Variants in WWOX observed in about 807,000 individuals in gnomAD.
WWOX encodes WW domain-containing oxidoreductase.
In WWOX, 69 loss-of-function variants were observed where a neutral mutation model predicts 46.2. The ratio of observed to expected loss-of-function variants is 1.49; its 90% confidence interval spans 1.23 to 1.82. WWOX has a LOEUF of 1.82. Among genes scored for constraint, WWOX ranks in the 40% most tolerant of loss-of-function variants. The probability of loss-of-function intolerance (pLI) is 0.00; values close to 1 mark genes in which losing one functional copy is unlikely to be tolerated. For missense variants in WWOX, 919 were observed against 542.6 expected, an observed-to-expected ratio of 1.69 and a Z score of -6.89; for synonymous variants, 359 against 202.6, an observed-to-expected ratio of 1.77 and a Z score of -6.56.
At chr16:78,600,240 C>T (rs867188584) in intron 8 of WWOX, among the ~76,000 whole-genome samples, 8 of 151,984 alleles carry the variant, frequency 5.3e-5, no homozygotes, top group Middle Eastern at 3.4e-3. Flanking sequence ...ATTGTGGGAG[C>T]GACAGTTCAA....
At chr16:78,694,171 C>G (rs1024684129) in intron 8 of WWOX, among the ~76,000 whole-genome samples, 1 of 152,228 alleles carries the variant, frequency 6.6e-6, no homozygotes, top group East Asian at 1.9e-4. Context: ...TGAGATCGCA[C>G]TACTTCATTC....
intron 8 of WWOX, among the ~76,000 whole-genome samples, chr16:78,523,561 C>T (rs1411148043): frequency 6.6e-6 from 1 of 152,172 alleles, no homozygotes; most frequent in Admixed American, 6.5e-5. Flanking sequence ...TTTTAGTTGC[C>T]AGTGGACAGT....
At chr16:78,807,351 CAA>C (rs2051069785) in intron 8 of WWOX, among the ~76,000 whole-genome samples, 1 of 152,182 alleles carries the variant, frequency 6.6e-6, no homozygotes, top group Non-Finnish European at 1.5e-5. Context: ...GAATCTAAAA[CAA>C]GAGGACCAGA....
At chr16:78,195,332 T>C (rs1018085488) in intron 5 of WWOX, among the ~76,000 whole-genome samples, 1 of 152,162 alleles carries the variant, frequency 6.6e-6, no homozygotes, top group African/African-American at 2.4e-5. Flanking sequence ...CATGAACTTC[T>C]TGAGGGAGGG....
intron 8 of WWOX, chr16:78,892,429 T>C (rs1030160243): frequency 6.6e-6 from 1 of 152,226 alleles, no homozygotes; most frequent in Non-Finnish European, 1.5e-5. Context: ...CCTTTCATGT[T>C]GGTGCAAGAG....
At chr16:78,934,545 C>G (rs987566259) in intron 8 of WWOX, among the ~76,000 whole-genome samples, 2 of 147,932 alleles carry the variant, frequency 1.4e-5, no homozygotes, top group East Asian at 4.0e-4. Context: ...ACACAACTTA[C>G]CAAACCAAGA....
chr16:78,715,031 A>G (rs79047643), intron 8 of WWOX, among the ~76,000 whole-genome samples: 2,236 of 152,260 alleles, frequency 0.015, 49 homozygotes, highest in African/African-American at 0.051. Flanking sequence ...TCATAATCCC[A>G]GCACTTTGAG....
At chr16:79,092,768 A>G (rs1042283528) in intron 8 of WWOX, among the ~76,000 whole-genome samples, 2 of 152,146 alleles carry the variant, frequency 1.3e-5, no homozygotes, top group Non-Finnish European at 2.9e-5. Flanking sequence ...ATTAATGTAA[A>G]CGTTGTTGAA....
chr16:78,249,657 T>C (rs767590518), intron 5 of WWOX, among the ~76,000 whole-genome samples: 4 of 152,196 alleles, frequency 2.6e-5, no homozygotes, highest in Admixed American at 6.5e-5. Flanking sequence ...GATCAGAGCA[T>C]GGAAAATGTT....
At chr16:79,132,127 AACACACACACACACACAC>A (rs141785224) in intron 8 of WWOX, among the ~76,000 whole-genome samples, 8 of 141,586 alleles carry the variant, frequency 5.7e-5, no homozygotes, top group African/African-American at 1.3e-4. Flanking sequence ...CACTTGCAGA[AACACACACACACACACAC>A]ACACACACAC....
intron 8 of WWOX, among the ~76,000 whole-genome samples, chr16:78,791,273 A>C (rs75025260): frequency 0.065 from 9,913 of 151,966 alleles, 367 homozygotes; most frequent in African/African-American, 0.1. Flanking sequence ...TCCACCAGGC[A>C]CTCGGGTTTC....
intron 8 of WWOX, among the ~76,000 whole-genome samples, chr16:78,997,745 G>A (rs892521130): frequency 2.0e-5 from 3 of 151,960 alleles, no homozygotes; most frequent in African/African-American, 7.3e-5. Context: ...ATTCAAGCTG[G>A]CTTTAGAGAG....
At chr16:78,459,989 A>G (rs1215730760) in intron 8 of WWOX, among the ~76,000 whole-genome samples, 1 of 151,308 alleles carries the variant, frequency 6.6e-6, no homozygotes, top group Non-Finnish European at 1.5e-5. Flanking sequence ...TATTATTTAT[A>G]GAGTTGGGTT....
intron 8 of WWOX, among the ~76,000 whole-genome samples, chr16:78,919,009 T>C (rs1045230530): frequency 2.6e-5 from 4 of 152,146 alleles, no homozygotes; most frequent in Non-Finnish European, 5.9e-5. Flanking sequence ...ACAGTCGTGG[T>C]GTCAGGTAGT....
chr16:78,812,815 G>C (rs2051225924), intron 8 of WWOX, among the ~76,000 whole-genome samples: 1 of 152,034 alleles, frequency 6.6e-6, no homozygotes, highest in Non-Finnish European at 1.5e-5. Context: ...AAGACCCCAT[G>C]TTTGTGTTAT....
At chr16:78,621,431 C>A (rs1017240289) in intron 8 of WWOX, among the ~76,000 whole-genome samples, 3 of 151,718 alleles carry the variant, frequency 2.0e-5, no homozygotes, top group African/African-American at 4.8e-5. Context: ...TTTATTTTTC[C>A]CTCTTGGAGT....
Position 78,568,799 on chromosome 16 carries a change from A to G in WWOX, c.1056+136047A>G, listed in dbSNP as rs147157316. Among the ~76,000 whole-genome samples, 88 of 152,298 alleles carry G rather than the reference A, an allele frequency of 5.8e-4. 1 individual carries two copies. The highest frequency in any genetic ancestry group is 1.9e-3 in the African/African-American group (80 of 41,580). On this transcript the variant is annotated intron_variant, in intron 8 of 8. Transcript: ENST00000566780. ...CCCAACTTCTTAAAAGCCAGAAACA[A>G]CTGGCTGTTAGCTGTCACAATATTA...
At chr16:78,827,377 C>A (rs8043939) in intron 8 of WWOX, among the ~76,000 whole-genome samples, 25,809 of 151,956 alleles carry the variant, frequency 0.17, 2,239 homozygotes, top group Admixed American at 0.21. Context: ...TCGGTGTCAT[C>A]AACTCACAGA....
chr16:79,075,070 G>C (rs1207797233), intron 8 of WWOX, among the ~76,000 whole-genome samples: 1 of 152,084 alleles, frequency 6.6e-6, no homozygotes, highest in Non-Finnish European at 1.5e-5. Flanking sequence ...AAGTGCAATA[G>C]TTATTACTTT....
Sources: gnomAD v4.1 joint callset for allele counts (sites outside exome capture counted in the v4.1 genomes callset) on GRCh38, gnomAD v4.1.1 for gene constraint, MANE v1.5 for transcripts, NCBI Gene and HGNC (gene_info 2026-07-23, HGNC 2026-07-21) for gene names.